EYS: variants seen among roughly 807,000 people sequenced by gnomAD.
EYS encodes EGF-like photoreceptor maintenance factor.
EYS carries 250 observed loss-of-function variants against 282.1 expected under a neutral mutation model. The observed-to-expected ratio is 0.89, with a 90% CI of 0.80 to 0.98. The LOEUF is 0.98. Among genes scored for constraint, EYS ranks in the 50% least tolerant of loss-of-function variants. The pLI is 0.00. For synonymous variants in EYS, 1,355 were observed against 1,282.9 expected, an observed-to-expected ratio of 1.06 and a Z score of -1.20; for missense variants, 4,016 against 3,709.0, an observed-to-expected ratio of 1.08 and a Z score of -2.15.
At chr6:65,349,499 GTTA>G (rs1414914069) in intron 9 of EYS, among the ~76,000 whole-genome samples, 4 of 151,288 alleles carry the variant, frequency 2.6e-5, no homozygotes, top group African/African-American at 7.3e-5. Flanking sequence ...CAGGAGGAAG[GTTA>G]TTATTATTTT....
At chr6:64,817,028 T>C (rs1395796931) in intron 21 of EYS, among the ~76,000 whole-genome samples, 1 of 151,800 alleles carries the variant, frequency 6.6e-6, no homozygotes, top group Admixed American at 6.6e-5. Context: ...AAAAGCAAGG[T>C]ACTCTGTGTG....
chr6:64,486,023 TA>T (rs1025691330), intron 26 of EYS, among the ~76,000 whole-genome samples: 70 of 151,574 alleles, frequency 4.6e-4, no homozygotes, highest in Admixed American at 7.9e-4. Flanking sequence ...AATAGCTATT[TA>T]AAAAGTATTG....
In EYS at chr6:63,864,297, C is replaced by G. The variant is rs372512515; in HGVS notation, c.7117G>C (p.Ala2373Pro). ...RLYSGKLCQF[A>P]SCENNPCGNG... ...CCACATGGGTTGTTTTCACAACTTG[C>G]AAACTGGCACAGCTTGCCTGAATAC... Residue 2373 changes from alanine to proline, a missense_variant, in exon 36 of 43, where the codon GCA (alanine) becomes CCA (proline). By Grantham distance (27) the Ala-to-Pro change is conservative. Transcript: ENST00000503581. 3 of 1,551,596 alleles carry G rather than the reference C, an allele frequency of 1.9e-6. No homozygotes were observed. Among genetic ancestry groups the G allele is most frequent in the Non-Finnish European group, 2.6e-6 (3 of 1,146,888 alleles).
chr6:64,599,131 T>C (rs976482663), intron 24 of EYS, among the ~76,000 whole-genome samples: 1 of 152,178 alleles, frequency 6.6e-6, no homozygotes, highest in African/African-American at 2.4e-5. Flanking sequence ...GAATTTGGAA[T>C]TGATTCTGAG....
chr6:64,675,306 T>G (rs1769612590), intron 22 of EYS, among the ~76,000 whole-genome samples: 1 of 152,168 alleles, frequency 6.6e-6, no homozygotes, highest in African/African-American at 2.4e-5. Flanking sequence ...TACAGCTGTC[T>G]TCCCTGACTT....
intron 12 of EYS, among the ~76,000 whole-genome samples, chr6:65,206,130 G>C (rs1355311848): frequency 6.6e-6 from 1 of 151,534 alleles, no homozygotes; most frequent in Non-Finnish European, 1.5e-5. Context: ...AAAATCAATA[G>C]ACTGCTAGAT....
intron 41 of EYS, among the ~76,000 whole-genome samples, chr6:63,731,200 T>C (rs1467700577): frequency 5.9e-5 from 9 of 152,288 alleles, no homozygotes; most frequent in Admixed American, 3.3e-4. Flanking sequence ...TATCCTTATA[T>C]ATATCCTCAA....
At chr6:64,570,071 C>A (rs1000365753) in intron 26 of EYS, among the ~76,000 whole-genome samples, 51 of 152,190 alleles carry the variant, frequency 3.4e-4, no homozygotes, top group African/African-American at 1.2e-3. Context: ...ATAAGGGAAG[C>A]CCATCAGACT....
chr6:64,074,323 A>G (rs1771690684), intron 32 of EYS, among the ~76,000 whole-genome samples: 1 of 151,082 alleles, frequency 6.6e-6, no homozygotes, highest in African/African-American at 2.4e-5. Context: ...TAAAATATAT[A>G]TGTATATATA....
chr6:63,995,616 T>C (rs1767799456), intron 34 of EYS, among the ~76,000 whole-genome samples: 2 of 152,022 alleles, frequency 1.3e-5, no homozygotes, highest in African/African-American at 4.8e-5. Context: ...CAGTTGGATG[T>C]TCATTGTAGC....
intron 12 of EYS, among the ~76,000 whole-genome samples, chr6:65,222,222 G>C (rs1766485060): frequency 2.6e-5 from 4 of 152,088 alleles, no homozygotes; most frequent in Admixed American, 2.6e-4. Context: ...TTTTGCAGGG[G>C]CCAGAGGCAG....
chr6:64,788,729 C>G (rs566773583), intron 22 of EYS, among the ~76,000 whole-genome samples: 22 of 152,254 alleles, frequency 1.4e-4, no homozygotes, highest in Admixed American at 7.2e-4. Flanking sequence ...TAATTTCTTT[C>G]CCTATTGTCA....
chr6:64,440,951 A>G (rs1369008324), intron 26 of EYS, among the ~76,000 whole-genome samples: 1 of 152,200 alleles, frequency 6.6e-6, no homozygotes, highest in African/African-American at 2.4e-5. Context: ...AGGATAAGAC[A>G]TCTGTTTGAA....
intron 26 of EYS, among the ~76,000 whole-genome samples, chr6:64,557,501 C>A (rs1260151281): frequency 6.6e-6 from 1 of 151,546 alleles, no homozygotes; most frequent in Non-Finnish European, 1.5e-5. Context: ...TTTTTCTTTT[C>A]TTTAAAGTAA....
At chr6:65,081,420 A>G (rs1774227682) in intron 12 of EYS, among the ~76,000 whole-genome samples, 1 of 151,978 alleles carries the variant, frequency 6.6e-6, no homozygotes, top group Admixed American at 6.6e-5. Context: ...AATTCTTGTA[A>G]TGGCCATTAT....
At chr6:64,064,228 G>GT (rs953093117) in intron 33 of EYS, among the ~76,000 whole-genome samples, 62 of 150,946 alleles carry the variant, frequency 4.1e-4, no homozygotes, top group South Asian at 1.1e-3. Flanking sequence ...ATAAGAATTA[G>GT]TTTTTTTTTC....
chr6:65,689,703 T>C (rs977504661), intron 1 of EYS, among the ~76,000 whole-genome samples: 4 of 150,120 alleles, frequency 2.7e-5, no homozygotes, highest in East Asian at 2.3e-4. Context: ...TACTTTTTTA[T>C]ATATACTTTA....
At position 65,105,039 on chromosome 6, in the gene EYS, A is replaced by G. The variant is rs192408573; in HGVS notation, c.2024-47312T>C. On this transcript the variant is annotated intron_variant, in intron 12 of 42. Transcript: ENST00000503581. The stretch of plus-strand genomic sequence containing the variant: ...TAGTCTTTCCACACATGTGTGATAT[A>G]CATGTTTTTCCATGGTTAAAAAAAC... Among the ~76,000 whole-genome samples the G allele has an allele frequency of 1.0e-3, 154 of 151,786 alleles. 1 individual carries two copies. Among genetic ancestry groups the G allele is most frequent in the Middle Eastern group, 3.4e-3 (1 of 294 alleles).
chr6:64,151,446 T>C (rs541827048), intron 31 of EYS, among the ~76,000 whole-genome samples: 15 of 149,144 alleles, frequency 1.0e-4, no homozygotes, highest in Non-Finnish European at 2.2e-4. Flanking sequence ...CTGCAACCTG[T>C]GAGTCCCAGG....
Sources: allele counts gnomAD v4.1 joint callset (sites outside exome capture counted in the v4.1 genomes callset), GRCh38; gene constraint gnomAD v4.1.1; transcripts MANE v1.5; gene names NCBI Gene and HGNC (gene_info 2026-07-23, HGNC 2026-07-21).